Variants in ADGRG7 observed in about 807,000 individuals in gnomAD.
The protein encoded by ADGRG7 is adhesion G protein-coupled receptor G7, also known as G-protein coupled receptor 128.
ADGRG7 carries 82 observed loss-of-function variants against 88.6 expected under a neutral mutation model. The observed-to-expected ratio is 0.93, with a 90% CI of 0.77 to 1.11. The LOEUF is 1.11. Among genes scored for constraint, ADGRG7 ranks in the 50% most tolerant of loss-of-function variants. The probability of loss-of-function intolerance (pLI) is 0.00; values close to 1 mark genes in which losing one functional copy is unlikely to be tolerated. For synonymous variants in ADGRG7, 381 were observed against 345.2 expected, an observed-to-expected ratio of 1.10 and a Z score of -1.15; for missense variants, 945 against 953.4, an observed-to-expected ratio of 0.99 and a Z score of 0.12.
In ADGRG7 at chr3:100,659,737, T is replaced by C. The variant is rs748959560; in HGVS notation, c.1873T>C (p.Leu625=). The C allele has an allele frequency of 1.9e-6, 3 of 1,614,172 alleles. No homozygotes were observed. Among genetic ancestry groups the C allele is most frequent in the Admixed American group, 3.3e-5 (2 of 60,024 alleles). ...CAATGGTGTTATAAAAAGTCCGCTG[T>C]TGTGGTCATTCATCGTACCTGTAAC... ...EPNGVIKSPL[L]WSFIVPVTII... Residue 625 remains leucine (L), a synonymous_variant, in exon 14 of 16, where the codon TTG becomes CTG. Transcript: ENST00000273352.
chr3:100,694,959 A>G lies in ADGRG7; in HGVS notation c.2352A>G (p.Glu784=). The change falls in exon 16 of 16, where the codon GAA becomes GAG. Residue 784 remains glutamate, a synonymous_variant. Transcript: ENST00000273352. ...RLLETSPSTE[E]ITLSESDNAK... is the part of the protein sequence containing the mutation. ...TGGAAACCTCTCCGAGTACTGAGGA[A>G]ATCACACTCTCTGAAAGTGACAATG... 17 of 1,614,186 alleles carry G rather than the reference A, an allele frequency of 1.1e-5. No individual in the cohort carries two copies. Among genetic ancestry groups the G allele is most frequent in the Non-Finnish European group, 1.4e-5 (17 of 1,180,018 alleles).
At chr3:100,640,480 G>T (rs1267435283) in intron 6 of ADGRG7, among the ~76,000 whole-genome samples, 1 of 152,028 alleles carries the variant, frequency 6.6e-6, no homozygotes, top group Non-Finnish European at 1.5e-5. Context: ...GCTGGTGAGG[G>T]CATCATAGTA....
chr3:100,647,759 A>C (rs572070691), intron 10 of ADGRG7, among the ~76,000 whole-genome samples: 58 of 152,318 alleles, frequency 3.8e-4, no homozygotes, highest in African/African-American at 1.3e-3. Context: ...ACACAATGGA[A>C]TGGGGAATTA....
intron 15 of ADGRG7, among the ~76,000 whole-genome samples, chr3:100,679,421 G>T (rs1482563115): frequency 6.6e-6 from 1 of 152,180 alleles, no homozygotes; most frequent in Non-Finnish European, 1.5e-5. Flanking sequence ...GAGACCCCAA[G>T]AGCCTGCTTG....
chr3:100,667,578 G>A (rs1454375667), intron 14 of ADGRG7, among the ~76,000 whole-genome samples: 3 of 152,162 alleles, frequency 2.0e-5, no homozygotes, highest in Non-Finnish European at 2.9e-5. Flanking sequence ...GTTTATCATT[G>A]ATGGACATTT....
chr3:100,619,780 C>T (rs899447652), intron 1 of ADGRG7, among the ~76,000 whole-genome samples: 28 of 152,268 alleles, frequency 1.8e-4, no homozygotes, highest in African/African-American at 3.8e-4. Flanking sequence ...CTATAAACAC[C>T]TCTACGCAAA....
chr3:100,693,261 A>C (rs1415371901), intron 15 of ADGRG7, among the ~76,000 whole-genome samples: 1 of 152,192 alleles, frequency 6.6e-6, no homozygotes, highest in Non-Finnish European at 1.5e-5. Flanking sequence ...AAATCAGATG[A>C]AATAGTGTAT....
intron 1 of ADGRG7, among the ~76,000 whole-genome samples, chr3:100,617,622 C>T (rs2149011766): frequency 6.6e-6 from 1 of 152,228 alleles, no homozygotes; most frequent in Middle Eastern, 3.4e-3. Flanking sequence ...CATTGTTGGA[C>T]ATTTGGGTTG....
intron 1 of ADGRG7, among the ~76,000 whole-genome samples, chr3:100,624,692 C>T (rs909113067): frequency 2.6e-5 from 4 of 151,990 alleles, no homozygotes; most frequent in Non-Finnish European, 1.5e-5. Context: ...GTCTTTAATC[C>T]ATCTTGAGTT....
At chr3:100,628,410 A>G (rs1168366458) in intron 1 of ADGRG7, among the ~76,000 whole-genome samples, 2 of 150,776 alleles carry the variant, frequency 1.3e-5, no homozygotes, top group Non-Finnish European at 2.9e-5. Context: ...CCCAGGCTGG[A>G]TGCAGTGGTG....
chr3:100,684,430 AT>A (rs916200699), intron 15 of ADGRG7, among the ~76,000 whole-genome samples: 3 of 151,606 alleles, frequency 2.0e-5, no homozygotes, highest in African/African-American at 7.3e-5. Flanking sequence ...TGCCTGACTA[AT>A]TTTTTTCCAA....
chr3:100,617,650 T>C (rs558769876), intron 1 of ADGRG7, among the ~76,000 whole-genome samples: 87 of 152,296 alleles, frequency 5.7e-4, no homozygotes, highest in African/African-American at 1.9e-3. Flanking sequence ...GTCTTTGCTA[T>C]TGTGAATAGT....
intron 14 of ADGRG7, among the ~76,000 whole-genome samples, chr3:100,668,062 C>T (rs1368556428): frequency 4.6e-5 from 7 of 152,164 alleles, no homozygotes; most frequent in Non-Finnish European, 1.0e-4. Context: ...CTTGTGCTTC[C>T]CAGGTGAGGT....
intron 1 of ADGRG7, among the ~76,000 whole-genome samples, chr3:100,611,290 TC>T (rs1707147989): frequency 6.8e-6 from 1 of 147,268 alleles, no homozygotes; most frequent in African/African-American, 2.5e-5. Context: ...CTTCCTTCCT[TC>T]CTTCCTTCCT....
Position 100,654,940 on chromosome 3 carries a change from C to A in ADGRG7, c.1485C>A (p.Asn495Lys). Residue 495 changes from asparagine to lysine, a missense_variant, in exon 12 of 16, where the codon AAC becomes AAA. Transcript: ENST00000273352. ...FVFGIENSNK[N>K]LQTSDGDINN... is the part of the protein sequence containing the mutation. The stretch of plus-strand genomic sequence containing the variant: ...TTGGAATTGAAAACTCCAATAAGAA[C>A]TTGCAGACAAGTGATGGTGACATCA... The A allele has an allele frequency of 1.9e-6, 3 of 1,613,954 alleles. No homozygotes were observed. In the South Asian group the frequency reaches 3.3e-5, roughly 18 times the overall value.
At chr3:100,655,813 G>T (rs1307810611) in intron 12 of ADGRG7, 86 bp from the exon 13 acceptor site, 2 of 804,076 alleles carry the variant, frequency 2.5e-6, no homozygotes, top group African/African-American at 1.7e-5. Context: ...CCTGAAGAGG[G>T]TCAGATGTAT....
At chr3:100,661,124 C>G (rs905779900) in intron 14 of ADGRG7, among the ~76,000 whole-genome samples, 6 of 152,064 alleles carry the variant, frequency 3.9e-5, no homozygotes, top group African/African-American at 1.4e-4. Context: ...TCATTGTCAT[C>G]CCTGATATAC....
chr3:100,680,560 T>C (rs905457963), intron 15 of ADGRG7, among the ~76,000 whole-genome samples: 12 of 152,172 alleles, frequency 7.9e-5, no homozygotes, highest in African/African-American at 2.4e-4. Flanking sequence ...TTTGGATACA[T>C]TTAATGTTAT....
intron 9 of ADGRG7, 181 bp downstream of exon 9, chr3:100,646,289 T>C (rs764935503): frequency 6.3e-6 from 4 of 632,450 alleles, no homozygotes; most frequent in Non-Finnish European, 1.1e-5. Flanking sequence ...AGCAGGGATA[T>C]GTTGAATAAA....
Sources: allele counts gnomAD v4.1 joint callset (sites outside exome capture counted in the v4.1 genomes callset), GRCh38; gene constraint gnomAD v4.1.1; transcripts MANE v1.5; gene names NCBI Gene and HGNC (gene_info 2026-07-23, HGNC 2026-07-21).